Variants in PCNX2 observed in about 807,000 individuals in gnomAD.
PCNX2 encodes the protein pecanex 2.
In PCNX2, 168 loss-of-function variants were observed where a neutral mutation model predicts 223.8. The ratio of observed to expected loss-of-function variants is 0.75; its 90% confidence interval spans 0.66 to 0.85. The LOEUF is 0.85. Ranked by LOEUF, PCNX2 falls within the 40% of genes least tolerant of loss-of-function variation. The pLI is 0.00. For missense variants in PCNX2, 2,507 were observed against 2,675.5 expected (o/e 0.94, Z 1.39); for synonymous variants, 1,006 against 1,052.6 (o/e 0.96, Z 0.86).
chr1:233,203,764 T>A (rs1392748039), intron 13 of PCNX2, among the ~76,000 whole-genome samples: 2 of 152,208 alleles, frequency 1.3e-5, no homozygotes, highest in African/African-American at 2.4e-5. Context: ...GCTCCTTGAC[T>A]GTCCCTCTCC....
At chr1:233,230,041 T>C (rs1189070962) in intron 9 of PCNX2, among the ~76,000 whole-genome samples, 3 of 152,206 alleles carry the variant, frequency 2.0e-5, no homozygotes, top group Non-Finnish European at 4.4e-5. Flanking sequence ...AAATACTTAT[T>C]GTGTAGGTTA....
At chr1:232,989,394 C>T (rs1669614085) in intron 32 of PCNX2, among the ~76,000 whole-genome samples, 1 of 151,804 alleles carries the variant, frequency 6.6e-6, no homozygotes, top group Non-Finnish European at 1.5e-5. Flanking sequence ...GCGGAGCTTG[C>T]AGTGAGCCGA....
At chr1:233,266,122 T>G (rs867269721) in intron 1 of PCNX2, among the ~76,000 whole-genome samples, 1 of 152,192 alleles carries the variant, frequency 6.6e-6, no homozygotes. Flanking sequence ...GACAGAGATT[T>G]TACTGAAAAT....
At chr1:233,204,264 G>T (rs1460509215) in intron 13 of PCNX2, among the ~76,000 whole-genome samples, 1 of 152,104 alleles carries the variant, frequency 6.6e-6, no homozygotes, top group Admixed American at 6.6e-5. Flanking sequence ...TACAAGCCAA[G>T]GAGAACGGCC....
At chr1:233,290,398 G>T (rs1326231327) in intron 1 of PCNX2, among the ~76,000 whole-genome samples, 1 of 152,180 alleles carries the variant, frequency 6.6e-6, no homozygotes, top group Non-Finnish European at 1.5e-5. Flanking sequence ...GGATAGAAAG[G>T]TGATAAAGCA....
chr1:233,138,396 AT>A (rs1262507662), intron 20 of PCNX2, among the ~76,000 whole-genome samples: 1 of 152,326 alleles, frequency 6.6e-6, no homozygotes, highest in Admixed American at 6.5e-5. Flanking sequence ...CTGAAGTTGA[AT>A]AGGGAAAACT....
intron 28 of PCNX2, among the ~76,000 whole-genome samples, chr1:233,002,834 C>A (rs1670136762): frequency 6.6e-6 from 1 of 152,050 alleles, no homozygotes; most frequent in Non-Finnish European, 1.5e-5. Flanking sequence ...AGAACAGAGG[C>A]CTCAGAAATA....
At chr1:233,165,264 T>C (rs1267755011) in intron 17 of PCNX2, among the ~76,000 whole-genome samples, 1 of 152,234 alleles carries the variant, frequency 6.6e-6, no homozygotes, top group African/African-American at 2.4e-5. Context: ...CTCCATAGTC[T>C]TGTCAATAGT....
intron 10 of PCNX2, among the ~76,000 whole-genome samples, chr1:233,218,519 G>A (rs1572097264): frequency 1.3e-5 from 2 of 151,932 alleles, no homozygotes; most frequent in Non-Finnish European, 2.9e-5. Context: ...CAAAGTGCTG[G>A]GATTACAGGC....
At chr1:233,241,437 T>C in intron 8 of PCNX2, 3 of 903,140 alleles carry the variant, frequency 3.3e-6, no homozygotes, top group Non-Finnish European at 4.0e-6. Context: ...ACAATCTCTT[T>C]CTAATACGTC....
chr1:233,322,676 G>A, the PCNX2 span, among the ~76,000 whole-genome samples: 1 of 152,142 alleles, frequency 6.6e-6, no homozygotes, highest in African/African-American at 2.4e-5. Context: ...TGTTTTGGCA[G>A]GCAGCAGAAG....
chr1:233,271,751 T>G (rs978160651), intron 1 of PCNX2, among the ~76,000 whole-genome samples: 4 of 152,320 alleles, frequency 2.6e-5, no homozygotes, highest in Admixed American at 2.6e-4. Flanking sequence ...CACTTTATGT[T>G]TTTGTTTGCT....
intron 22 of PCNX2, among the ~76,000 whole-genome samples, chr1:233,092,989 C>CT (rs1199736114): frequency 6.6e-6 from 1 of 152,018 alleles, no homozygotes; most frequent in East Asian, 1.9e-4. Context: ...TTAGTAGAGA[C>CT]GGGGTTTCAC....
At position 233,285,086 on chromosome 1, in the gene PCNX2, T is replaced by G. The variant is rs894673814; in HGVS notation, c.153+10240A>C. 3.4e-6 allele frequency: 3 copies of G among 886,576 alleles called. No homozygotes were observed. In the African/African-American group the frequency reaches 5.4e-5, roughly 16 times the overall value. 54.9% of individuals were successfully genotyped at this position (886,576 alleles called of 1,614,324 possible). ...TAAAAAATAGGGCCGGGTGCAGTGG[T>G]TCACGCCTGTAATCCCAACACTTCG... On this transcript the variant is annotated intron_variant, in intron 1 of 33. Transcript: ENST00000258229.
intron 19 of PCNX2, among the ~76,000 whole-genome samples, chr1:233,145,593 C>T (rs1677396195): frequency 6.6e-6 from 1 of 152,038 alleles, no homozygotes; most frequent in African/African-American, 2.4e-5. Flanking sequence ...GCTGGCATCT[C>T]GCCTTCTGGA....
intron 23 of PCNX2, chr1:233,057,563 T>G: frequency 2.9e-6 from 1 of 345,588 alleles, no homozygotes; most frequent in East Asian, 5.3e-5. Flanking sequence ...GAGCACCAGA[T>G]CTGCAAAATC....
At chr1:233,216,632 T>C (rs1271841820) in intron 12 of PCNX2, among the ~76,000 whole-genome samples, 1 of 152,154 alleles carries the variant, frequency 6.6e-6, no homozygotes, top group African/African-American at 2.4e-5. Context: ...GAAAACAGTA[T>C]GATTTCTCAA....
intron 23 of PCNX2, among the ~76,000 whole-genome samples, chr1:233,062,813 A>C (rs1672452668): frequency 1.3e-5 from 2 of 152,250 alleles, no homozygotes. Context: ...AATTATAAAG[A>C]CAATTCTACA....
At chr1:233,299,983 AAACTCATCTCTG>A (rs1291147582), upstream of PCNX2, among the ~76,000 whole-genome samples, 11 of 151,218 alleles carry the variant, frequency 7.3e-5, no homozygotes, top group Non-Finnish European at 1.5e-4. Flanking sequence ...TAATCCCTTT[AAACTCATCTCTG>A]AACTCATCTC....
Sources: gnomAD v4.1 joint callset for allele counts (sites outside exome capture counted in the v4.1 genomes callset) on GRCh38, gnomAD v4.1.1 for gene constraint, MANE v1.5 for transcripts, NCBI Gene and HGNC (gene_info 2026-07-23, HGNC 2026-07-21) for gene names.